The following KCNQ1 variants were observed in gnomAD, a reference collection of about 807,000 sequenced individuals.
KCNQ1 encodes potassium voltage-gated channel subfamily Q member 1, also known as potassium voltage-gated channel subfamily KQT member 1.
In KCNQ1, 49 loss-of-function variants were observed where a neutral mutation model predicts 72.4. The ratio of observed to expected loss-of-function variants is 0.68; its 90% CI spans 0.54 to 0.86. The LOEUF (loss-of-function observed/expected upper bound fraction) is 0.86, where lower values mean the gene tolerates loss of function less well. Among genes scored for constraint, KCNQ1 ranks in the 40% least tolerant of loss-of-function variants. The pLI, the probability that KCNQ1 is intolerant of heterozygous loss-of-function variation, is 0.00. For synonymous variants in KCNQ1, 450 were observed against 412.6 expected (o/e 1.09, Z -1.10); for missense variants, 790 against 945.1 (o/e 0.84, Z 2.15).
rs919693499 is a variant in KCNQ1, at chr11:2,536,736, G to T, written c.477+8718G>T. On this transcript the variant is annotated intron_variant, in intron 2 of 15. Coordinates refer to ENST00000155840, the MANE Select transcript of KCNQ1 (RefSeq NM_000218.3). This position sits in a 1 kb window ranked among gnomAD's most constrained non-coding sequence, Gnocchi z 7.4. ...GGGCCTATCTCCAGCCACGTGGGTC[G>T]CGAGAGTCGACCTGGGCTGCGTGAT... Among the ~76,000 whole-genome samples, 2 of 152,104 alleles carry T rather than the reference G, an allele frequency of 1.3e-5. No individual in the cohort carries two copies. Among genetic ancestry groups the T allele is most frequent in the Admixed American group, 6.5e-5 (1 of 15,282 alleles).
At chr11:2,733,595 G>A (rs373691274) in intron 11 of KCNQ1, among the ~76,000 whole-genome samples, 2 of 152,032 alleles carry the variant, frequency 1.3e-5, no homozygotes, top group African/African-American at 4.8e-5. Flanking sequence ...AGCTCCTAGG[G>A]AGACAGTCGG....
rs1847341320 is a variant in KCNQ1 at position 2,519,368 on chromosome 11, A to AT, written c.387-8554dup. ...TGGACGTGACCCTCTTTTTAAAAGA[A>AT]TTTTTTCAGATGCAATTCCATTAAG... is the stretch of plus-strand genomic sequence containing the variant. On this transcript the variant is annotated intron_variant, in intron 1 of 15. Transcript: ENST00000155840. Among the ~76,000 whole-genome samples the AT allele has an allele frequency of 2.6e-5, 4 of 152,328 alleles. No homozygotes were observed. The South Asian group carries it at 8.3e-4, about 32-fold the overall frequency.
rs887713035 is a variant in KCNQ1, at chr11:2,471,945, T to C, written c.386+26461T>C. Among the ~76,000 whole-genome samples, 2 of 151,558 alleles carry C rather than the reference T, an allele frequency of 1.3e-5. No individual in the cohort carries two copies. The highest frequency in any genetic ancestry group is 2.9e-5 in the Non-Finnish European group (2 of 67,886). On this transcript the variant is annotated intron_variant, in intron 1 of 15. Coordinates refer to ENST00000155840, the MANE Select transcript of KCNQ1 (RefSeq NM_000218.3). This position sits in a 1 kb window ranked among gnomAD's most constrained non-coding sequence, Gnocchi z 4.8. ...GTATAGGCGTGTATGTGTGCGCGTGTGTAGGTGTGTGTTCATATATATGGG... is the reference window on the plus strand; with the variant it reads ...GTATAGGCGTGTATGTGTGCGCGTGCGTAGGTGTGTGTTCATATATATGGG...
chr11:2,662,537 C>T (rs1031607671), intron 11 of KCNQ1: 28 of 426,400 alleles, frequency 6.6e-5, no homozygotes, highest in South Asian at 1.8e-4. Flanking sequence ...TGATTTTCCA[C>T]GCCTTCCAGT....
chr11:2,630,003 A>C (rs1020267861), intron 10 of KCNQ1: 1 of 398,380 alleles, frequency 2.5e-6, no homozygotes. Flanking sequence ...TCCTCATCTT[A>C]GAGGAGAGGC....
At chr11:2,546,550 T>A (rs1330659675) in intron 2 of KCNQ1, among the ~76,000 whole-genome samples, 2 of 152,364 alleles carry the variant, frequency 1.3e-5, no homozygotes, top group East Asian at 1.9e-4. Flanking sequence ...GGGAGAAGGA[T>A]GTTAGAATCT....
At chr11:2,749,445 T>A (rs1180650787) in intron 11 of KCNQ1, among the ~76,000 whole-genome samples, 1 of 152,116 alleles carries the variant, frequency 6.6e-6, no homozygotes, top group Non-Finnish European at 1.5e-5. Flanking sequence ...GGCACGCTGC[T>A]GAGCCTCTCT....
intron 10 of KCNQ1, chr11:2,609,528 C>A: frequency 2.5e-6 from 1 of 398,216 alleles, no homozygotes; most frequent in Non-Finnish European, 4.4e-6. Flanking sequence ...CTATAATTAC[C>A]TTTTGAGTCT....
Position 2,780,405 on chromosome 11 carries a change from C to T in KCNQ1, c.1794+2368C>T, listed in dbSNP as rs539140177. On this transcript the variant is annotated intron_variant, in intron 15 of 15. Coordinates refer to ENST00000155840, the MANE Select transcript of KCNQ1 (RefSeq NM_000218.3). ...AAGTAGGGGCAGGAAATCCAGCAGC[C>T]GCCCGGCCCTCGGAGGCCCAGCAGG... 7.0e-4 allele frequency among the ~76,000 whole-genome samples: 106 copies of T among 152,354 alleles called. 1 individual carries two copies. The highest frequency in any genetic ancestry group is 2.4e-3 in the African/African-American group (101 of 41,590).
intron 15 of KCNQ1, among the ~76,000 whole-genome samples, chr11:2,841,004 G>A (rs1361376673): frequency 6.6e-6 from 1 of 152,238 alleles, no homozygotes; most frequent in Non-Finnish European, 1.5e-5. Context: ...AGACTGTCTA[G>A]GGTTAAGACG....
chr11:2,729,456 A>G (rs996958666), intron 11 of KCNQ1, among the ~76,000 whole-genome samples: 9 of 152,254 alleles, frequency 5.9e-5, no homozygotes, highest in African/African-American at 1.9e-4. Flanking sequence ...GACAGCAGTG[A>G]CAATACAAAA....
At position 2,772,354 on chromosome 11, in the gene KCNQ1, C is replaced by T. The variant is rs1846617363; in HGVS notation, c.1590+3435C>T. Reference sequence around the variant, plus strand: ...TGTCTGGCCCAAGGAGCCGGAGCCTCTCCACCCTTCAAGTGTGCCTTGAAC... The same window carrying T: ...TGTCTGGCCCAAGGAGCCGGAGCCTTTCCACCCTTCAAGTGTGCCTTGAAC... On this transcript the variant is annotated intron_variant, in intron 12 of 15. Transcript: ENST00000155840. This position sits in a 1 kb window ranked among gnomAD's most constrained non-coding sequence, Gnocchi z 6.6. Among the ~76,000 whole-genome samples, 1 of 152,152 alleles carries T rather than the reference C, an allele frequency of 6.6e-6. No homozygotes were observed. Among genetic ancestry groups the T allele is most frequent in the Non-Finnish European group, 1.5e-5 (1 of 68,000 alleles).
chr11:2,681,207 T>C (rs1049552206), intron 11 of KCNQ1: 4 of 398,516 alleles, frequency 1.0e-5, no homozygotes, highest in African/African-American at 8.2e-5. Flanking sequence ...AGTGTTTGTG[T>C]TCTATGAAGA....
At position 2,549,832 on chromosome 11, in the gene KCNQ1, C is replaced by T. The variant is rs776598503; in HGVS notation, c.478-20796C>T. 9.9e-5 allele frequency among the ~76,000 whole-genome samples: 15 copies of T among 152,076 alleles called. No homozygotes were observed. The highest frequency in any genetic ancestry group is 1.7e-4 in the African/African-American group (7 of 41,420). On this transcript the variant is annotated intron_variant, in intron 2 of 15. Transcript: ENST00000155840. This position sits in a 1 kb window ranked among gnomAD's most constrained non-coding sequence, Gnocchi z 6.2. The stretch of plus-strand genomic sequence containing the variant: ...CTTCCCCATGACTGGCCCTGGGTGG[C>T]GGAGAGACCCCTGGGCAGGACACCC...
intron 14 of KCNQ1, chr11:2,777,626 G>A (rs1250974039): frequency 1.7e-6 from 1 of 585,690 alleles, no homozygotes; most frequent in Non-Finnish European, 3.0e-6. Flanking sequence ...CAGCGGAATG[G>A]CTGTGCCCCC....
Position 2,549,396 on chromosome 11 carries a change from C to T in KCNQ1, c.478-21232C>T, listed in dbSNP as rs1180174435. 2.0e-5 allele frequency among the ~76,000 whole-genome samples: 3 copies of T among 152,208 alleles called. No individual in the cohort carries two copies. Among genetic ancestry groups the T allele is most frequent in the African/African-American group, 7.2e-5 (3 of 41,448 alleles). ...CCATCCTCGCCATCCTCTCTCCACA[C>T]ATCTGACCTTTGCCTGCTTTGGGGG... On this transcript the variant is annotated intron_variant, in intron 2 of 15. Transcript: ENST00000155840. This position sits in a 1 kb window ranked among gnomAD's most constrained non-coding sequence, Gnocchi z 6.2.
At chr11:2,534,354 C>T (rs957991979) in intron 2 of KCNQ1, among the ~76,000 whole-genome samples, 6 of 152,370 alleles carry the variant, frequency 3.9e-5, no homozygotes, top group African/African-American at 7.2e-5. Flanking sequence ...GGCGGTTTCC[C>T]GCAGCACCAT....
chr11:2,790,676 C>T (rs1390862753), intron 15 of KCNQ1, among the ~76,000 whole-genome samples: 2 of 152,218 alleles, frequency 1.3e-5, no homozygotes, highest in Admixed American at 6.5e-5. Flanking sequence ...GCCTCAGCCT[C>T]CTGGCCCCCA....
Position 2,815,319 on chromosome 11 carries a change from G to A in KCNQ1, c.1795-32448G>A, listed in dbSNP as rs948595995. 3.3e-5 allele frequency among the ~76,000 whole-genome samples: 5 copies of A among 152,102 alleles called. No homozygotes were observed. Among genetic ancestry groups the A allele is most frequent in the Non-Finnish European group, 7.4e-5 (5 of 68,018 alleles). ...ATAGGTCTTATGGGTGCCACAGCAG[G>A]GACCCCACTGGACCTCTGTGCTTTC... On this transcript the variant is annotated intron_variant, in intron 15 of 15. Coordinates refer to ENST00000155840, the MANE Select transcript of KCNQ1 (RefSeq NM_000218.3). This position sits in a 1 kb window ranked among gnomAD's most constrained non-coding sequence, Gnocchi z 5.4.
Sources: allele counts gnomAD v4.1 joint callset (sites outside exome capture counted in the v4.1 genomes callset), GRCh38; gene constraint gnomAD v4.1.1; non-coding constraint Gnocchi (gnomAD v3.1); transcripts MANE v1.5; gene names NCBI Gene and HGNC (gene_info 2026-07-23, HGNC 2026-07-21).